The following KIF5C variants were observed in gnomAD, a reference collection of about 807,000 sequenced individuals.
The protein encoded by KIF5C is kinesin family member 5C.
In KIF5C, 18 loss-of-function variants were observed where a neutral mutation model predicts 125.2. The ratio of observed to expected loss-of-function variants is 0.14; its 90% CI spans 0.10 to 0.21. The LOEUF (loss-of-function observed/expected upper bound fraction) is 0.21, where lower values mean the gene tolerates loss of function less well. KIF5C is among the 10% of genes least tolerant of loss of function. The pLI is 1.00. For synonymous variants in KIF5C, 405 were observed against 434.0 expected (o/e 0.93, Z 0.83); for missense variants, 780 against 1,183.8 (o/e 0.66, Z 5.01).
intron 4 of KIF5C, 128 bp from the exon 5 acceptor site, chr2:148,941,482 C>T: frequency 1.5e-6 from 2 of 1,299,616 alleles, no homozygotes; most frequent in South Asian, 1.4e-5. Flanking sequence ...GATTTTAAGT[C>T]TTCACTTTGA....
intron 25 of KIF5C, among the ~76,000 whole-genome samples, chr2:149,021,607 A>G (rs1234573592): frequency 6.6e-6 from 1 of 152,156 alleles, no homozygotes; most frequent in African/African-American, 2.4e-5. Context: ...AAAAAAGAGC[A>G]TGGTAGCGGG....
At chr2:148,994,734 G>A (rs931305028) in intron 17 of KIF5C, among the ~76,000 whole-genome samples, 196 bp downstream of exon 17, 39 of 150,084 alleles carry the variant, frequency 2.6e-4, no homozygotes, top group African/African-American at 7.4e-4. Flanking sequence ...ATGGAGTCTC[G>A]CTCTGTTGCC....
At chr2:148,991,320 G>A (rs528733125) in intron 16 of KIF5C, 122 bp downstream of exon 16, 21 of 1,427,840 alleles carry the variant, frequency 1.5e-5, no homozygotes, top group African/African-American at 5.8e-5. Context: ...TGTAAGCTTG[G>A]CCTCCCCAGG....
chr2:149,023,144 A>G lies in KIF5C; in HGVS notation c.*74A>G, dbSNP rs1212637680. On this transcript the variant is annotated 3_prime_UTR_variant, in exon 26 of 26. Transcript: ENST00000435030. The stretch of plus-strand genomic sequence containing the variant: ...AATTCCTTTATTTTTCCCCCCCTAC[A>G]GTTTCCATTTTTTTTTTATACTTGC... 6.6e-6 allele frequency: 1 copy of G among 151,416 alleles called. No homozygotes were observed. Among genetic ancestry groups the G allele is most frequent in the East Asian group, 1.9e-4 (1 of 5,178 alleles). The allele number at this position is 151,416 out of a possible 1,614,324, so 9.4% of individuals were successfully genotyped here. A position where few individuals can be genotyped will look rare whatever the true frequency, so the allele number is the denominator to read the frequency against.
At chr2:148,941,789 A>G in intron 5 of KIF5C, 131 bp downstream of exon 5, 2 of 1,439,106 alleles carry the variant, frequency 1.4e-6, no homozygotes, top group South Asian at 1.4e-5. Context: ...TTCAGGGTAT[A>G]TGTTTATTCT....
chr2:149,010,001 TGTGG>T, intron 23 of KIF5C, 130 bp from the exon 24 acceptor site: 3 of 1,373,322 alleles, frequency 2.2e-6, no homozygotes, highest in Non-Finnish European at 2.9e-6. Flanking sequence ...CTTTCCTTTC[TGTGG>T]TTGTACGGAG....
At chr2:148,941,879 A>G in intron 5 of KIF5C, 56 bp from the exon 6 acceptor site, 3 of 1,588,216 alleles carry the variant, frequency 1.9e-6, no homozygotes, top group Admixed American at 1.9e-5. Context: ...TTCCTCCAAT[A>G]TAGAGTCTTT....
At chr2:149,013,959 T>C (rs929820644) in intron 25 of KIF5C, among the ~76,000 whole-genome samples, 2 of 152,136 alleles carry the variant, frequency 1.3e-5, no homozygotes, top group African/African-American at 4.8e-5. Context: ...CTGGGATACA[T>C]GTGCTCAATG....
Position 148,876,795 on chromosome 2 carries a change from C to G in KIF5C, c.126+1052C>G, listed in dbSNP as rs1030800015. Among the ~76,000 whole-genome samples the G allele has an allele frequency of 6.6e-6, 1 of 152,178 alleles. No individual in the cohort carries two copies. Among genetic ancestry groups the G allele is most frequent in the Non-Finnish European group, 1.5e-5 (1 of 68,026 alleles). ...TGGCTGATGGTGCCCCCTTTGTATG[C>G]GAGCCGCGTGGGGAGGGACCGAGTT... On this transcript the variant is annotated intron_variant, in intron 1 of 25. Coordinates refer to ENST00000435030, the MANE Select transcript of KIF5C (RefSeq NM_004522.3). This position sits in a 1 kb window ranked among gnomAD's most constrained non-coding sequence, Gnocchi z 4.7.
At chr2:148,920,910 T>C (rs1158569675) in intron 1 of KIF5C, among the ~76,000 whole-genome samples, 1 of 152,182 alleles carries the variant, frequency 6.6e-6, no homozygotes, top group African/African-American at 2.4e-5. Context: ...CTCTGCTCTC[T>C]CCTCCCTCTC....
chr2:148,904,871 T>C (rs1681042685), intron 1 of KIF5C, among the ~76,000 whole-genome samples: 1 of 152,226 alleles, frequency 6.6e-6, no homozygotes, highest in Admixed American at 6.5e-5. Flanking sequence ...TTAGATAACA[T>C]TGAATCAGGT....
intron 18 of KIF5C, 179 bp downstream of exon 18, chr2:148,997,519 G>T: frequency 7.0e-6 from 8 of 1,147,286 alleles, no homozygotes; most frequent in Non-Finnish European, 9.7e-6. Flanking sequence ...AAATGAACAA[G>T]TCCAGAAACC....
chr2:148,910,256 T>C (rs1314301240), intron 1 of KIF5C, among the ~76,000 whole-genome samples: 5 of 152,254 alleles, frequency 3.3e-5, no homozygotes, highest in Admixed American at 2.6e-4. Context: ...TTGCAATTTG[T>C]AAAGTAATTT....
chr2:148,885,749 A>G (rs1681501997), intron 1 of KIF5C: 1 of 152,240 alleles, frequency 6.6e-6, no homozygotes, highest in Admixed American at 6.5e-5. Flanking sequence ...AAGTGCAAAT[A>G]AAAAACAAAC....
intron 11 of KIF5C, among the ~76,000 whole-genome samples, chr2:148,962,604 C>A (rs981304234): frequency 2.6e-5 from 4 of 152,124 alleles, no homozygotes; most frequent in African/African-American, 9.7e-5. Flanking sequence ...TTTTCTTAGT[C>A]CCTAACACAG....
rs1303780442 is a variant in KIF5C, at chr2:149,023,078, A to T, written c.*8A>T. 6.6e-6 allele frequency: 1 copy of T among 152,172 alleles called. No individual in the cohort carries two copies. Among genetic ancestry groups the T allele is most frequent in the Non-Finnish European group, 1.5e-5 (1 of 68,040 alleles). 9.4% of individuals were successfully genotyped at this position (152,172 alleles called of 1,614,324 possible). On this transcript the variant is annotated splice_region_variant and 3_prime_UTR_variant, in exon 26 of 26. Transcript: ENST00000435030. ...TCTCTCTTTGGTTCTCTTTCAACAG[A>T]TATGACTCCACGTAGCATGTCAAGG...
intron 10 of KIF5C, among the ~76,000 whole-genome samples, chr2:148,961,303 G>C (rs73009515): frequency 2.0e-5 from 3 of 152,284 alleles, no homozygotes; most frequent in Admixed American, 6.5e-5. Flanking sequence ...TGATGGGGGG[G>C]GCGGGTGTGT....
chr2:148,934,905 C>T, intron 3 of KIF5C: 1 of 235,706 alleles, frequency 4.2e-6, no homozygotes, highest in Non-Finnish European at 8.8e-6. Context: ...CACACACACA[C>T]ACGTGCACAC....
At chr2:148,985,419 A>G (rs904080136) in intron 15 of KIF5C, among the ~76,000 whole-genome samples, 2 of 152,218 alleles carry the variant, frequency 1.3e-5, no homozygotes, top group African/African-American at 4.8e-5. Context: ...TAAGATAATG[A>G]ATGTCCCCAT....
Sources: allele counts gnomAD v4.1 joint callset (sites outside exome capture counted in the v4.1 genomes callset), GRCh38; gene constraint gnomAD v4.1.1; non-coding constraint Gnocchi (gnomAD v3.1); transcripts MANE v1.5; gene names NCBI Gene and HGNC (gene_info 2026-07-23, HGNC 2026-07-21).